The following UGT2B17 variants were observed in gnomAD, a reference collection of about 807,000 sequenced individuals.
UGT2B17 encodes UDP-glucuronosyltransferase 2B17.
In UGT2B17, 21 loss-of-function variants were observed where a neutral mutation model predicts 48.2. That is an observed-to-expected ratio of 0.44 (90% CI 0.31 to 0.63). The LOEUF (loss-of-function observed/expected upper bound fraction) is 0.63. Ranked by LOEUF, UGT2B17 falls within the 20% of genes least tolerant of loss-of-function variation. The probability of loss-of-function intolerance (pLI) is 0.08; values close to 1 mark genes in which losing one functional copy is unlikely to be tolerated. For missense variants in UGT2B17, 402 were observed against 696.1 expected (o/e 0.58, Z 4.75); for synonymous variants, 146 against 238.4 (o/e 0.61, Z 3.57).
At chr4:68,557,059 T>G (rs1731014589) in intron 4 of UGT2B17, among the ~76,000 whole-genome samples, 1 of 125,548 alleles carries the variant, frequency 8.0e-6, no homozygotes, top group South Asian at 3.6e-4. Context: ...TTGGTCTTTT[T>G]GAGCTGTATT....
Position 68,552,588 on chromosome 4 carries a change from A to G in UGT2B17, c.1006-677T>C, listed in dbSNP as rs1045054373. 4.8e-5 allele frequency among the ~76,000 whole-genome samples: 6 copies of G among 125,732 alleles called. 1 individual carries two copies. The highest frequency in any genetic ancestry group is 8.1e-5 in the Admixed American group (1 of 12,278). The allele number at this position is 125,732 out of a possible 152,430, so 82.5% of individuals were successfully genotyped here. On this transcript the variant is annotated intron_variant, in intron 4 of 6. Transcript: ENST00000317746. The stretch of plus-strand genomic sequence containing the variant: ...TCAACCTTGGCAAAATAAACTTTCT[A>G]AATTAACTGAGACCTGCCTCAGATA...
Position 68,537,479 on chromosome 4 carries a change from T to C in UGT2B17, c.*146A>G. 1.4e-6 allele frequency: 1 copy of C among 703,188 alleles called. No individual in the cohort carries two copies. The allele number at this position is 703,188 out of a possible 1,614,324, so 43.6% of individuals were successfully genotyped here. ...CCAACTAAAGTACATATTAAATTCC[T>C]GGAAAATAAATTTTGACTTAACAGG... On this transcript the variant is annotated 3_prime_UTR_variant, in exon 7 of 7. Coordinates refer to ENST00000317746, the MANE Select transcript of UGT2B17 (RefSeq NM_001077.4).
At chr4:68,563,397 G>T (rs1272457187) in intron 3 of UGT2B17, among the ~76,000 whole-genome samples, 1 of 126,758 alleles carries the variant, frequency 7.9e-6, no homozygotes, top group Non-Finnish European at 1.7e-5. Flanking sequence ...ATCACCTGAG[G>T]TCAGGAGTTC....
chr4:68,566,147 A>T (rs1241904878), intron 2 of UGT2B17, among the ~76,000 whole-genome samples: 1 of 118,606 alleles, frequency 8.4e-6, no homozygotes, highest in African/African-American at 2.8e-5. Context: ...AATAGTTTTA[A>T]TTTAATATTT....
chr4:68,566,173 ATAATT>A (rs1312741461), intron 2 of UGT2B17, among the ~76,000 whole-genome samples: 1 of 118,860 alleles, frequency 8.4e-6, no homozygotes, highest in Non-Finnish European at 1.7e-5. Flanking sequence ...ATTTAATAAA[ATAATT>A]TAATATAATG....
chr4:68,561,406 A>G (rs1270129393), intron 3 of UGT2B17, among the ~76,000 whole-genome samples: 1 of 124,502 alleles, frequency 8.0e-6, no homozygotes, highest in Admixed American at 8.3e-5. Context: ...ATAATACAGT[A>G]TTATATACTA....
At position 68,573,944 on chromosome 4, in the gene UGT2B17, A is replaced by C. The variant is rs187767198; in HGVS notation, c.-65+2007T>G. Among the ~76,000 whole-genome samples the C allele has an allele frequency of 1.7e-3, 212 of 126,714 alleles. 37 individuals carry two copies. The highest frequency in any genetic ancestry group is 5.5e-3 in the African/African-American group (205 of 36,968). 83.1% of individuals were successfully genotyped at this position (126,714 alleles called of 152,430 possible). A position where few individuals can be genotyped will look rare whatever the true frequency, so the allele number is the denominator to read the frequency against. ...CAGGATATAGCAGAGAGAGCTTGGC[A>C]TGACTTATTACTCCAGGCTGTAGAA... On this transcript the variant is annotated intron_variant, in intron 1 of 6. Transcript: ENST00000317746.
At position 68,567,157 on chromosome 4, in the gene UGT2B17, G is replaced by A. The variant is rs537517128; in HGVS notation, c.724+604C>T. Among the ~76,000 whole-genome samples, 19 of 125,860 alleles carry A rather than the reference G, an allele frequency of 1.5e-4. 4 individuals are homozygous for A. Among genetic ancestry groups the A allele is most frequent in the Middle Eastern group, 4.0e-3 (1 of 250 alleles). The allele number at this position is 125,860 out of a possible 152,430, so 82.6% of individuals were successfully genotyped here. On this transcript the variant is annotated intron_variant, in intron 2 of 6. Transcript: ENST00000317746. Reference sequence around the variant, plus strand: ...TTAATAAAATATAGATTAAAACTTAGATGTTCACTTTCAACAAGATTTCAG... The same window carrying A: ...TTAATAAAATATAGATTAAAACTTAAATGTTCACTTTCAACAAGATTTCAG...
chr4:68,556,917 T>C lies in UGT2B17; in HGVS notation c.1005+3620A>G, dbSNP rs1440211599. 2.4e-5 allele frequency among the ~76,000 whole-genome samples: 3 copies of C among 125,470 alleles called. 1 individual carries two copies. Among genetic ancestry groups the C allele is most frequent in the Non-Finnish European group, 3.4e-5 (2 of 59,120 alleles). 82.3% of individuals were successfully genotyped at this position (125,470 alleles called of 152,430 possible). ...TAATCCTTTGATATTTGACAAATTT[T>C]CCAAAATTATGTTTTTTTCTGACCT... On this transcript the variant is annotated intron_variant, in intron 4 of 6. Coordinates refer to ENST00000317746, the MANE Select transcript of UGT2B17 (RefSeq NM_001077.4).
In UGT2B17 at chr4:68,561,462, G is replaced by A. The variant is rs1456027213; in HGVS notation, c.874-794C>T. Among the ~76,000 whole-genome samples the A allele has an allele frequency of 1.0e-4, 13 of 124,150 alleles. 3 individuals carry two copies. The Admixed American group carries it at 1.1e-3, about 10-fold the overall frequency. The allele number at this position is 124,150 out of a possible 152,430, so 81.4% of individuals were successfully genotyped here. ...ATCTTATTTCTCAGATCATTGTTTA[G>A]GTATGACTATGATACCTTTTGTCCT... On this transcript the variant is annotated intron_variant, in intron 3 of 6. Transcript: ENST00000317746.
At chr4:68,558,707 A>G (rs1203256108) in intron 4 of UGT2B17, among the ~76,000 whole-genome samples, 1 of 126,082 alleles carries the variant, frequency 7.9e-6, no homozygotes, top group Admixed American at 8.2e-5. Context: ...TGAAAACCTG[A>G]GACCAGAGAC....
chr4:68,568,455 C>T lies in UGT2B17; in HGVS notation c.30G>A (p.Leu10=). The T allele has an allele frequency of 1.5e-6, 2 of 1,360,644 alleles. No individual in the cohort carries two copies. Among genetic ancestry groups the T allele is most frequent in the Non-Finnish European group, 1.9e-6 (2 of 1,050,094 alleles). 84.3% of individuals were successfully genotyped at this position (1,360,644 alleles called of 1,614,324 possible). A position where few individuals can be genotyped will look rare whatever the true frequency, so the allele number is the denominator to read the frequency against. Residue 10 remains leucine (L), a synonymous_variant, in exon 2 of 7, where the codon CTG becomes CTA. Transcript: ENST00000317746. MSLKWMSVF[L]LMQLSCYFSS... ...TAAAGTAACAACTGAGCTGCATCAG[C>T]AGAAAGACTGACATCCATTTCAGAG...
chr4:68,540,024 G>A (rs1730625604), intron 6 of UGT2B17, among the ~76,000 whole-genome samples: 1 of 123,048 alleles, frequency 8.1e-6, no homozygotes, highest in African/African-American at 2.8e-5. Flanking sequence ...GACCAAATGT[G>A]ATCCTCCCAC....
In UGT2B17 at chr4:68,565,456, C is replaced by A; in HGVS notation, c.873+116G>T. The A allele has an allele frequency of 2.1e-6, 2 of 961,102 alleles. 1 individual carries two copies. Among genetic ancestry groups the A allele is most frequent in the East Asian group, 2.4e-4 (2 of 8,430 alleles). 59.5% of individuals were successfully genotyped at this position (961,102 alleles called of 1,614,324 possible). A position where few individuals can be genotyped will look rare whatever the true frequency, so the allele number is the denominator to read the frequency against. On this transcript the variant is annotated intron_variant, in intron 3 of 6. Transcript: ENST00000317746. ...AATATATGATTTTCTAATGGCAAGTCCTTTTTTTTGACCTCCCATATTCCC... is the reference window on the plus strand; with the variant it reads ...AATATATGATTTTCTAATGGCAAGTACTTTTTTTTGACCTCCCATATTCCC...
Position 68,552,041 on chromosome 4 carries a change from G to A in UGT2B17, c.1006-130C>T, listed in dbSNP as rs780262577. On this transcript the variant is annotated intron_variant, in intron 4 of 6. Coordinates refer to ENST00000317746, the MANE Select transcript of UGT2B17 (RefSeq NM_001077.4). The stretch of plus-strand genomic sequence containing the variant: ...AAGAAATAAGAAGAAGTGATGTCAA[G>A]TAATGAGAACTACTAAAAGTCTGAG... 4.5e-4 allele frequency: 288 copies of A among 634,004 alleles called. 38 individuals are homozygous for A. The highest frequency in any genetic ancestry group is 6.6e-4 in the South Asian group (10 of 15,194). The allele number at this position is 634,004 out of a possible 1,614,324, so 39.3% of individuals were successfully genotyped here.
At chr4:68,558,749 A>AT (rs888216323) in intron 4 of UGT2B17, among the ~76,000 whole-genome samples, 4 of 125,646 alleles carry the variant, frequency 3.2e-5, no homozygotes, top group African/African-American at 1.1e-4. Flanking sequence ...TCTCCAAAAG[A>AT]TTTTTTTAAA....
In UGT2B17 at chr4:68,561,486, C is replaced by T. The variant is rs540802442; in HGVS notation, c.874-818G>A. 4.0e-5 allele frequency among the ~76,000 whole-genome samples: 5 copies of T among 123,670 alleles called. 1 individual carries two copies. Among genetic ancestry groups the T allele is most frequent in the Non-Finnish European group, 6.8e-5 (4 of 58,842 alleles). 81.1% of individuals were successfully genotyped at this position (123,670 alleles called of 152,430 possible). On this transcript the variant is annotated intron_variant, in intron 3 of 6. Coordinates refer to ENST00000317746, the MANE Select transcript of UGT2B17 (RefSeq NM_001077.4). ...AGGTATGACTATGATACCTTTTGTC[C>T]TGAAATCACACTGTGAAATTGATGT... is the stretch of plus-strand genomic sequence containing the variant.
intron 4 of UGT2B17, among the ~76,000 whole-genome samples, chr4:68,556,238 G>T (rs1434728812): frequency 8.2e-6 from 1 of 122,562 alleles, no homozygotes; most frequent in Non-Finnish European, 1.7e-5. Context: ...TTTTCTTAAG[G>T]GATTGATTTA....
Position 68,567,976 on chromosome 4 carries a change from A to T in UGT2B17, c.509T>A (p.Leu170Gln), listed in dbSNP as rs1731232287. ...GCCAACAGAGAAGCGGAGACTGTAC[A>T]GAAAGGGTATGTTAAGTAGCTCAGC... Reference protein sequence around the residue: ...LLAELLNIPFLYSLRFSVGYT... With the variant: ...LLAELLNIPFQYSLRFSVGYT... The change falls in exon 2 of 7, where the codon CTG (leucine) becomes CAG (glutamine). Residue 170 changes from leucine to glutamine, a missense_variant. Transcript: ENST00000317746. 1 of 1,382,324 alleles carries T rather than the reference A, an allele frequency of 7.2e-7. No individual in the cohort carries two copies. The highest frequency in any genetic ancestry group is 9.5e-7 in the Non-Finnish European group (1 of 1,055,398). 85.6% of individuals were successfully genotyped at this position (1,382,324 alleles called of 1,614,324 possible).
Sources: allele counts gnomAD v4.1 joint callset (sites outside exome capture counted in the v4.1 genomes callset), GRCh38; gene constraint gnomAD v4.1.1; transcripts MANE v1.5; gene names NCBI Gene and HGNC (gene_info 2026-07-23, HGNC 2026-07-21).